ZC3HAV1L: variants seen among roughly 807,000 people sequenced by gnomAD.
The protein encoded by ZC3HAV1L is ZC3HAV1 like, also known as zinc finger CCCH-type antiviral protein 1-like.
A neutral mutation model predicts 28.2 loss-of-function variants in ZC3HAV1L; 23 were observed. The observed-to-expected ratio is 0.82, with a 90% CI of 0.59 to 1.16. The LOEUF (loss-of-function observed/expected upper bound fraction) is 1.16. Ranked by LOEUF, ZC3HAV1L falls within the 50% of genes most tolerant of loss-of-function variation. The pLI is 0.00. For missense variants in ZC3HAV1L, 376 were observed against 387.7 expected (o/e 0.97, Z 0.25); for synonymous variants, 180 against 163.4 (o/e 1.10, Z -0.78).
rs1294570607 is a variant in ZC3HAV1L, at chr7:139,026,287, C to T, written c.*257G>A. On this transcript the variant is annotated 3_prime_UTR_variant, in exon 5 of 5. Transcript: ENST00000275766. Reference sequence around the variant, plus strand: ...GAAAAAAAAAAATGAGTGCAAAGTACTCTAGGATTGCCACAATATAAATTG... The same window carrying T: ...GAAAAAAAAAAATGAGTGCAAAGTATTCTAGGATTGCCACAATATAAATTG... 3 of 494,610 alleles carry T rather than the reference C, an allele frequency of 6.1e-6. No individual in the cohort carries two copies. Among genetic ancestry groups the T allele is most frequent in the Admixed American group, 3.8e-5 (1 of 26,076 alleles). The allele number at this position is 494,610 out of a possible 1,614,324, so 30.6% of individuals were successfully genotyped here.
rs1283447471 is a variant in ZC3HAV1L, at chr7:139,035,581, G to C, written c.365+72C>G. 4 of 1,339,614 alleles carry C rather than the reference G, an allele frequency of 3.0e-6. No homozygotes were observed. In the South Asian group the frequency reaches 5.7e-5, roughly 19 times the overall value. 83.0% of individuals were successfully genotyped at this position (1,339,614 alleles called of 1,614,324 possible). Reference sequence around the variant, plus strand: ...GCAGGACGAAGCCCCCCTTCCCGTCGCTCCCGCTTCCAGCAGGACGGCCAG... The same window carrying C: ...GCAGGACGAAGCCCCCCTTCCCGTCCCTCCCGCTTCCAGCAGGACGGCCAG... On this transcript the variant is annotated intron_variant, in intron 1 of 4. Coordinates refer to ENST00000275766, the MANE Select transcript of ZC3HAV1L (RefSeq NM_080660.4).
At chr7:139,033,760 TAAAATTAAA>T (rs1815607694) in intron 2 of ZC3HAV1L, 2 of 985,232 alleles carry the variant, frequency 2.0e-6, no homozygotes, top group Admixed American at 1.2e-4. Context: ...AAAAGTACTA[TAAAATTAAA>T]AGGCAAATAG....
intron 1 of ZC3HAV1L, 71 bp downstream of exon 1, chr7:139,035,582 C>T (rs1448480820): frequency 3.7e-6 from 5 of 1,342,074 alleles, no homozygotes; most frequent in Non-Finnish European, 9.5e-7. Context: ...CTTCCCGTCG[C>T]TCCCGCTTCC....
At position 139,026,382 on chromosome 7, in the gene ZC3HAV1L, G is replaced by T; in HGVS notation, c.*162C>A. 9.1e-7 allele frequency: 1 copy of T among 1,093,780 alleles called. No individual in the cohort carries two copies. The highest frequency in any genetic ancestry group is 1.3e-6 in the Non-Finnish European group (1 of 786,128). 67.8% of individuals were successfully genotyped at this position (1,093,780 alleles called of 1,614,324 possible). ...TACCCAGCCTGAGGAAAGCACCTAG[G>T]AGCTGCAGATAGCAGCTGCCATCTT... On this transcript the variant is annotated 3_prime_UTR_variant, in exon 5 of 5. Coordinates refer to ENST00000275766, the MANE Select transcript of ZC3HAV1L (RefSeq NM_080660.4).
At chr7:139,030,466 C>T (rs1584820203) in intron 2 of ZC3HAV1L, among the ~76,000 whole-genome samples, 1 of 151,854 alleles carries the variant, frequency 6.6e-6, no homozygotes, top group African/African-American at 2.4e-5. Flanking sequence ...AAAATAGAGG[C>T]GGAGGTTGCA....
rs1321094861 is a variant in ZC3HAV1L at position 139,035,393 on chromosome 7, CG to C, written c.365+259del. The stretch of plus-strand genomic sequence containing the variant: ...TAACCCGGCCGCGTCGCGCAGGATC[CG>C]GGGGGGCGGGCGGGGGCAGCAACTT... On this transcript the variant is annotated intron_variant, in intron 1 of 4. Transcript: ENST00000275766. The C allele has an allele frequency of 3.8e-5, 15 of 397,270 alleles. No homozygotes were observed. The East Asian group carries it at 9.5e-4, about 25-fold the overall frequency. 24.6% of individuals were successfully genotyped at this position (397,270 alleles called of 1,614,324 possible). A position where few individuals can be genotyped will look rare whatever the true frequency, so the allele number is the denominator to read the frequency against.
intron 1 of ZC3HAV1L, 35 bp from the exon 2 acceptor site, chr7:139,034,713 TGAA>T (rs1563116333): frequency 8.1e-6 from 13 of 1,612,072 alleles, no homozygotes; most frequent in African/African-American, 1.3e-5. Context: ...GATGCCCAGG[TGAA>T]GAAGGACCAG....
intron 3 of ZC3HAV1L, 112 bp from the exon 4 acceptor site, chr7:139,026,945 G>A: frequency 1.6e-6 from 2 of 1,224,184 alleles, no homozygotes; most frequent in Non-Finnish European, 2.2e-6. Context: ...ACATGGATTT[G>A]GAGAGTTCAT....
chr7:139,034,736 T>C, intron 1 of ZC3HAV1L, 58 bp from the exon 2 acceptor site: 1 of 1,592,660 alleles, frequency 6.3e-7, no homozygotes, highest in South Asian at 1.1e-5. Flanking sequence ...GTCTGTCCAA[T>C]TCCTTGCCTT....
chr7:139,028,903 T>C lies in ZC3HAV1L; in HGVS notation c.559A>G (p.Lys187Glu). 6.2e-7 allele frequency: 1 copy of C among 1,614,250 alleles called. No individual in the cohort carries two copies. Among genetic ancestry groups the C allele is most frequent in the Non-Finnish European group, 8.5e-7 (1 of 1,180,040 alleles). ...ALYGYCNLKD[K>E]CNKFHVCKSF... ...TTGCACACATGAAACTTGTTGCATT[T>C]ATCCTTGAGGTTGCAGTAGCCATAC... The change falls in exon 3 of 5, where the codon AAA (lysine) becomes GAA (glutamate). Residue 187 changes from lysine to glutamate, a missense_variant. Physicochemically the swap from Lys to Glu is moderately conservative, Grantham distance 56. Transcript: ENST00000275766.
rs1554436203 is a variant in ZC3HAV1L, at chr7:139,028,683, CCTT to C, written c.760+16_760+18del. The C allele has an allele frequency of 6.2e-7, 1 of 1,609,084 alleles. No individual in the cohort carries two copies. Among genetic ancestry groups the C allele is most frequent in the Non-Finnish European group, 8.5e-7 (1 of 1,176,556 alleles). On this transcript the variant is annotated intron_variant, in intron 3 of 4. Coordinates refer to ENST00000275766, the MANE Select transcript of ZC3HAV1L (RefSeq NM_080660.4). The stretch of plus-strand genomic sequence containing the variant: ...AACCATATCGCTGATACTTCTCTGT[CCTT>C]CTTGGATATTCCTACCTGTATTTTC...
chr7:139,035,793 G>C lies in ZC3HAV1L; in HGVS notation c.225C>G (p.Gly75=). The C allele has an allele frequency of 6.7e-7, 1 of 1,490,272 alleles. No individual in the cohort carries two copies. The highest frequency in any genetic ancestry group is 8.9e-7 in the Non-Finnish European group (1 of 1,128,854). 92.3% of individuals were successfully genotyped at this position (1,490,272 alleles called of 1,614,324 possible). Residue 75 remains glycine, a synonymous_variant, in exon 1 of 5, where the codon GGC becomes GGG. Coordinates refer to ENST00000275766, the MANE Select transcript of ZC3HAV1L (RefSeq NM_080660.4). ...CCACCACCCTCCAGGCGGAGGTGCC[G>C]CCACCGCCCACCGCGCCGGCCGCCG... ...AEAAAGAVGG[G]GTSAWRVVAV... is the part of the protein sequence containing the mutation.
chr7:139,026,870 C>T (rs566454135), intron 3 of ZC3HAV1L, 37 bp from the exon 4 acceptor site: 1 of 1,583,630 alleles, frequency 6.3e-7, no homozygotes, highest in Admixed American at 1.8e-5. Context: ...CCTACGATAC[C>T]CCAAGTTTCA....
At chr7:139,028,621 G>T (rs1338134116) in intron 3 of ZC3HAV1L, 81 bp downstream of exon 3, 3 of 1,514,058 alleles carry the variant, frequency 2.0e-6, no homozygotes, top group Non-Finnish European at 2.7e-6. Context: ...TCACTTTCAT[G>T]TCACTGTTCT....
At chr7:139,031,406 G>A (rs1584820992) in intron 2 of ZC3HAV1L, among the ~76,000 whole-genome samples, 1 of 152,018 alleles carries the variant, frequency 6.6e-6, no homozygotes, top group Non-Finnish European at 1.5e-5. Flanking sequence ...GCAACATGGT[G>A]AAACCCTGTC....
chr7:139,021,793 C>T (rs1246278824), downstream of ZC3HAV1L, among the ~76,000 whole-genome samples: 1 of 151,910 alleles, frequency 6.6e-6, no homozygotes, highest in Non-Finnish European at 1.5e-5. Flanking sequence ...CAACAATTAA[C>T]TTCATATGTA....
chr7:139,033,989 T>C (rs965857075), intron 2 of ZC3HAV1L: 16 of 985,314 alleles, frequency 1.6e-5, no homozygotes, highest in East Asian at 1.1e-4. Context: ...AGGTTATGCA[T>C]GTCAGGAAGA....
At position 139,026,132 on chromosome 7, in the gene ZC3HAV1L, C is replaced by CA. The variant is rs373451520; in HGVS notation, c.*411dup. On this transcript the variant is annotated 3_prime_UTR_variant, in exon 5 of 5. Transcript: ENST00000275766. Reference sequence around the variant, plus strand: ...CCTGGGCAACAGAGCAAGACCATCTCAAAAAAAAAAACTGTTAGAAAAAGC... The same window carrying CA: ...CCTGGGCAACAGAGCAAGACCATCTCAAAAAAAAAAAACTGTTAGAAAAAGC... The CA allele has an allele frequency of 0.021, 3,232 of 154,252 alleles. No homozygotes were observed. Among genetic ancestry groups the CA allele is most frequent in the South Asian group, 0.047 (293 of 6,266 alleles). 9.6% of individuals were successfully genotyped at this position (154,252 alleles called of 1,614,324 possible).
At chr7:139,029,796 G>A (rs1815470349) in intron 2 of ZC3HAV1L, among the ~76,000 whole-genome samples, 1 of 152,122 alleles carries the variant, frequency 6.6e-6, no homozygotes, top group Admixed American at 6.6e-5. Flanking sequence ...GTTTCAACGG[G>A]TGGCACAAAG....
Sources: allele counts gnomAD v4.1 joint callset (sites outside exome capture counted in the v4.1 genomes callset), GRCh38; gene constraint gnomAD v4.1.1; transcripts MANE v1.5; gene names NCBI Gene and HGNC (gene_info 2026-07-23, HGNC 2026-07-21).